CCDC91: variants seen among roughly 807,000 people sequenced by gnomAD.
CCDC91 encodes the protein coiled-coil domain containing 91, also known as coiled-coil domain-containing protein 91.
Under a neutral mutation model 63.2 loss-of-function variants are expected in CCDC91, and 48 were observed. That is an observed-to-expected ratio of 0.76 (90% CI 0.60 to 0.97). CCDC91 has a LOEUF of 0.97. Ranked by LOEUF, CCDC91 falls within the 50% of genes least tolerant of loss-of-function variation. CCDC91 has a pLI of 0.00. For synonymous variants in CCDC91, 167 were observed against 165.8 expected (o/e 1.01, Z -0.06); for missense variants, 500 against 494.6 (o/e 1.01, Z -0.10).
At chr12:28,326,317 A>G (rs1187120535) in intron 6 of CCDC91, among the ~76,000 whole-genome samples, 2 of 151,768 alleles carry the variant, frequency 1.3e-5, no homozygotes, top group African/African-American at 4.8e-5. Flanking sequence ...TTTATTATAC[A>G]TCTTTTGTAG....
intron 3 of CCDC91, chr12:28,302,667 G>A: frequency 1.0e-6 from 1 of 983,038 alleles, no homozygotes; most frequent in Non-Finnish European, 1.2e-6. Flanking sequence ...TTAGCACTTA[G>A]TGGTATCATT....
chr12:28,462,755 T>C (rs948797878), intron 11 of CCDC91, among the ~76,000 whole-genome samples: 1 of 152,144 alleles, frequency 6.6e-6, no homozygotes, highest in Non-Finnish European at 1.5e-5. Flanking sequence ...GATAGACAAG[T>C]AAACTGATTA....
intron 8 of CCDC91, among the ~76,000 whole-genome samples, chr12:28,438,430 C>T (rs1949020300): frequency 6.6e-6 from 1 of 152,142 alleles, no homozygotes; most frequent in Non-Finnish European, 1.5e-5. Context: ...GATACAGAAC[C>T]TAACCTGCTG....
rs1354398451 is a variant in CCDC91, at chr12:28,221,059, CAT to C, written c.-15+30419_-15+30420del. Among the ~76,000 whole-genome samples, 3 of 152,186 alleles carry C rather than the reference CAT, an allele frequency of 2.0e-5. No individual in the cohort carries two copies. The East Asian group carries it at 5.8e-4, about 29-fold the overall frequency. On this transcript the variant is annotated intron_variant, in intron 1 of 12. Transcript: ENST00000536442. ...CCCTTTTTGGGGGCCTCCAGTTACA[CAT>C]GTTTTAGACCACTTGAAATTATCCA...
rs143837051 is a variant in CCDC91, at chr12:28,247,217, A to G, written c.-14-9985A>G. Among the ~76,000 whole-genome samples, 1,071 of 152,304 alleles carry G rather than the reference A, an allele frequency of 7.0e-3. 12 individuals are homozygous for G. Among genetic ancestry groups the G allele is most frequent in the African/African-American group, 0.024 (1,018 of 41,560 alleles). On this transcript the variant is annotated intron_variant, in intron 1 of 12. Transcript: ENST00000536442. The stretch of plus-strand genomic sequence containing the variant: ...TACTTTGGGCTGGGCGTGGTGGCTC[A>G]CGCCTGTAATCCCAGCACTTTGGGA...
chr12:28,258,313 T>C (rs1399468042), intron 2 of CCDC91, among the ~76,000 whole-genome samples: 1 of 52,508 alleles, frequency 1.9e-5, no homozygotes, highest in African/African-American at 5.6e-5. Flanking sequence ...GTTTCAGATA[T>C]CATCTGGCTT....
At chr12:28,501,119 C>T (rs989182610) in intron 12 of CCDC91, among the ~76,000 whole-genome samples, 4 of 151,580 alleles carry the variant, frequency 2.6e-5, no homozygotes, top group African/African-American at 9.7e-5. Context: ...GATGTAGCAC[C>T]AATTCTATAA....
intron 12 of CCDC91, among the ~76,000 whole-genome samples, chr12:28,520,430 C>A (rs1411010248): frequency 6.6e-6 from 1 of 152,086 alleles, no homozygotes; most frequent in Non-Finnish European, 1.5e-5. Flanking sequence ...TTGATTTTTT[C>A]TTGTAAATTT....
chr12:28,498,246 A>G (rs910337479), intron 12 of CCDC91, among the ~76,000 whole-genome samples: 1 of 151,620 alleles, frequency 6.6e-6, no homozygotes, highest in Non-Finnish European at 1.5e-5. Flanking sequence ...AATAGCATAC[A>G]TATTCAAAAA....
intron 3 of CCDC91, among the ~76,000 whole-genome samples, chr12:28,274,204 C>CTGTTTTGGTACCAGTACCATGG (rs1422520641): frequency 6.6e-6 from 1 of 152,080 alleles, no homozygotes; most frequent in African/African-American, 2.4e-5. Flanking sequence ...GTCTGTGTCT[C>CTGTTTTGGTACCAGTACCATGG]TGTTTTGGTA....
intron 12 of CCDC91, among the ~76,000 whole-genome samples, chr12:28,491,294 A>G (rs1951988915): frequency 6.6e-6 from 1 of 151,646 alleles, no homozygotes; most frequent in South Asian, 2.1e-4. Context: ...ACATATATTC[A>G]CTGATGCAGG....
intron 6 of CCDC91, among the ~76,000 whole-genome samples, chr12:28,313,552 T>C (rs1180712164): frequency 6.6e-6 from 1 of 152,144 alleles, no homozygotes; most frequent in South Asian, 2.1e-4. Context: ...AATGGAATGT[T>C]TGTAAAACCT....
At chr12:28,364,721 G>A (rs1944160762) in intron 7 of CCDC91, among the ~76,000 whole-genome samples, 1 of 124,786 alleles carries the variant, frequency 8.0e-6, no homozygotes, top group African/African-American at 2.7e-5. Context: ...GAAGCATACG[G>A]TAAAATAATT....
chr12:28,479,868 A>G (rs1486117186), intron 11 of CCDC91, among the ~76,000 whole-genome samples: 1 of 152,002 alleles, frequency 6.6e-6, no homozygotes, highest in Non-Finnish European at 1.5e-5. Flanking sequence ...TTTACTTTTG[A>G]TATATCATAT....
intron 1 of CCDC91, among the ~76,000 whole-genome samples, chr12:28,226,614 A>G (rs956505393): frequency 1.1e-4 from 16 of 152,140 alleles, no homozygotes; most frequent in African/African-American, 3.9e-4. Flanking sequence ...GTTCTCAGAA[A>G]CCTCATACCT....
At chr12:28,503,951 G>T (rs1433533027) in intron 12 of CCDC91, among the ~76,000 whole-genome samples, 23 of 152,086 alleles carry the variant, frequency 1.5e-4, no homozygotes, top group Admixed American at 1.3e-3. Flanking sequence ...GGGGGAAGGG[G>T]GGAGGGATAG....
intron 3 of CCDC91, among the ~76,000 whole-genome samples, chr12:28,278,951 T>G (rs568590290): frequency 6.6e-6 from 1 of 152,168 alleles, no homozygotes; most frequent in African/African-American, 2.4e-5. Flanking sequence ...TTATATAACT[T>G]ATATACAGGT....
intron 8 of CCDC91, among the ~76,000 whole-genome samples, chr12:28,416,875 TGTATATGAATATATATATATGATTATG>T (rs1249933269): frequency 6.6e-6 from 1 of 152,170 alleles, no homozygotes; most frequent in East Asian, 1.9e-4. Flanking sequence ...TGTAGTATTA[TGTATATGAATATATATATATGATTATG>T]GACATAAATA....
chr12:28,444,682 G>T (rs919332784), intron 8 of CCDC91, among the ~76,000 whole-genome samples: 1 of 152,150 alleles, frequency 6.6e-6, no homozygotes, highest in African/African-American at 2.4e-5. Flanking sequence ...CTACTTGAGA[G>T]TGGAGGGTAG....
Sources: allele counts gnomAD v4.1 joint callset (sites outside exome capture counted in the v4.1 genomes callset), GRCh38; gene constraint gnomAD v4.1.1; transcripts MANE v1.5; gene names NCBI Gene and HGNC (gene_info 2026-07-23, HGNC 2026-07-21).